Variants in TMEM132D observed in about 807,000 individuals in gnomAD.
The protein encoded by TMEM132D is transmembrane protein 132D, also known as mature OL transmembrane protein.
Under a neutral mutation model 62.3 loss-of-function variants are expected in TMEM132D, and 21 were observed. The ratio of observed to expected loss-of-function variants is 0.34; its 90% CI spans 0.24 to 0.49. The LOEUF (loss-of-function observed/expected upper bound fraction) is 0.49, where lower values mean the gene tolerates loss of function less well. Ranked by LOEUF, TMEM132D falls within the 20% of genes least tolerant of loss-of-function variation. The pLI, the probability that TMEM132D is intolerant of heterozygous loss-of-function variation, is 0.99. For missense variants in TMEM132D, 1,346 were observed against 1,402.8 expected, an observed-to-expected ratio of 0.96 and a Z score of 0.65; for synonymous variants, 621 against 575.6, an observed-to-expected ratio of 1.08 and a Z score of -1.13.
At chr12:129,897,038 T>C (rs968915857) in intron 1 of TMEM132D, among the ~76,000 whole-genome samples, 1 of 152,198 alleles carries the variant, frequency 6.6e-6, no homozygotes, top group Non-Finnish European at 1.5e-5. Context: ...CTGAAACCAA[T>C]GTTTAAGGAC....
chr12:129,790,084 G>A (rs991840296), intron 1 of TMEM132D, among the ~76,000 whole-genome samples: 4 of 152,196 alleles, frequency 2.6e-5, no homozygotes, highest in African/African-American at 9.7e-5. Context: ...CAGTCCCACT[G>A]TGTTCCACCC....
At chr12:129,297,927 C>A (rs1002368780) in intron 4 of TMEM132D, among the ~76,000 whole-genome samples, 2 of 152,120 alleles carry the variant, frequency 1.3e-5, no homozygotes, top group Non-Finnish European at 2.9e-5. Flanking sequence ...ACTCTGGAGG[C>A]TTTTGAGCTG....
At chr12:129,588,077 C>A (rs573693713) in intron 2 of TMEM132D, among the ~76,000 whole-genome samples, 335 of 152,302 alleles carry the variant, frequency 2.2e-3, no homozygotes, top group African/African-American at 7.5e-3. Flanking sequence ...GACAACTTGC[C>A]TTATTAGTCT....
intron 2 of TMEM132D, among the ~76,000 whole-genome samples, chr12:129,676,962 C>G (rs748853606): frequency 9.2e-5 from 14 of 152,162 alleles, no homozygotes; most frequent in Non-Finnish European, 1.5e-4. Flanking sequence ...CTTTTTTCCA[C>G]CTAATGTTTT....
intron 2 of TMEM132D, among the ~76,000 whole-genome samples, chr12:129,662,656 G>A (rs888384517): frequency 2.0e-5 from 3 of 152,082 alleles, no homozygotes; most frequent in African/African-American, 7.2e-5. Flanking sequence ...AGCTGGGCAT[G>A]GTGGCACACG....
At chr12:129,226,855 T>C (rs906399888) in intron 4 of TMEM132D, among the ~76,000 whole-genome samples, 2 of 152,134 alleles carry the variant, frequency 1.3e-5, no homozygotes, top group African/African-American at 4.8e-5. Context: ...GGACCCCCGA[T>C]TCATTTCTCT....
chr12:129,330,512 G>T lies in TMEM132D; in HGVS notation c.1299+7122C>A, dbSNP rs557500314. The stretch of plus-strand genomic sequence containing the variant: ...AATGAATTAATCCATTCGTGGATGT[G>T]AATTAATCCATTCATGGATGTGAAT... On this transcript the variant is annotated intron_variant, in intron 4 of 8. Coordinates refer to ENST00000422113, the MANE Select transcript of TMEM132D (RefSeq NM_133448.3). 1.5e-4 allele frequency among the ~76,000 whole-genome samples: 23 copies of T among 152,322 alleles called. No homozygotes were observed. In the South Asian group the frequency reaches 3.9e-3, roughly 26 times the overall value.
At chr12:129,124,295 C>T (rs1313268861) in intron 5 of TMEM132D, among the ~76,000 whole-genome samples, 1 of 152,120 alleles carries the variant, frequency 6.6e-6, no homozygotes, top group Non-Finnish European at 1.5e-5. Context: ...CCAAGACTCA[C>T]CTTGAACGTA....
At chr12:129,473,462 T>C (rs1336985581) in intron 3 of TMEM132D, among the ~76,000 whole-genome samples, 1 of 149,770 alleles carries the variant, frequency 6.7e-6, no homozygotes, top group Non-Finnish European at 1.5e-5. Flanking sequence ...TCTGAATAGC[T>C]GAGACTACAG....
At chr12:129,755,608 T>C (rs1016255992) in intron 1 of TMEM132D, among the ~76,000 whole-genome samples, 4 of 152,214 alleles carry the variant, frequency 2.6e-5, no homozygotes, top group African/African-American at 4.8e-5. Flanking sequence ...AGTTATCTTT[T>C]TATGCCCCTT....
Position 129,903,100 on chromosome 12 carries a change from C to G in TMEM132D, c.79+161G>C, listed in dbSNP as rs1875419852. The stretch of plus-strand genomic sequence containing the variant: ...GCGTCCGAGGAGCTTGGCTGCCGCA[C>G]GAGCGCACGTTCACACGCGCGCACA... On this transcript the variant is annotated intron_variant, in intron 1 of 8. Coordinates refer to ENST00000422113, the MANE Select transcript of TMEM132D (RefSeq NM_133448.3). The surrounding 1 kb of genome is among the most constrained non-coding windows in gnomAD (Gnocchi z 6.2). Among the ~76,000 whole-genome samples the G allele has an allele frequency of 6.6e-6, 1 of 152,214 alleles. No homozygotes were observed. Among genetic ancestry groups the G allele is most frequent in the African/African-American group, 2.4e-5 (1 of 41,468 alleles).
At chr12:129,717,833 G>A (rs957986534) in intron 1 of TMEM132D, among the ~76,000 whole-genome samples, 5 of 152,196 alleles carry the variant, frequency 3.3e-5, no homozygotes, top group African/African-American at 9.6e-5. Flanking sequence ...TGTGGCCCTC[G>A]CAGGGCTGTC....
intron 3 of TMEM132D, among the ~76,000 whole-genome samples, chr12:129,391,640 A>G (rs1871292681): frequency 6.6e-6 from 1 of 152,240 alleles, no homozygotes; most frequent in Admixed American, 6.5e-5. Flanking sequence ...CTGGTTACAC[A>G]TTAAAATCAT....
intron 3 of TMEM132D, among the ~76,000 whole-genome samples, chr12:129,401,568 T>TA (rs921334151): frequency 2.0e-4 from 30 of 150,370 alleles, no homozygotes; most frequent in African/African-American, 7.1e-4. Context: ...GACGCTGCCT[T>TA]AAAAAAAAAG....
chr12:129,352,585 CA>C (rs1869905180), intron 3 of TMEM132D, among the ~76,000 whole-genome samples: 1 of 152,010 alleles, frequency 6.6e-6, no homozygotes, highest in African/African-American at 2.4e-5. Context: ...ACATCTCCAT[CA>C]AAAAATAGGC....
chr12:129,772,170 A>G (rs1870775935), intron 1 of TMEM132D, among the ~76,000 whole-genome samples: 1 of 152,126 alleles, frequency 6.6e-6, no homozygotes, highest in Admixed American at 6.5e-5. Flanking sequence ...GACCTGTCTC[A>G]TTTTTTTAAC....
intron 2 of TMEM132D, among the ~76,000 whole-genome samples, chr12:129,582,303 A>C (rs1877887459): frequency 6.6e-6 from 1 of 152,202 alleles, no homozygotes; most frequent in South Asian, 2.1e-4. Flanking sequence ...TTTCTGTTTT[A>C]ATCAGCCATG....
intron 1 of TMEM132D, among the ~76,000 whole-genome samples, chr12:129,714,065 C>T (rs1868473239): frequency 6.6e-6 from 1 of 152,180 alleles, no homozygotes; most frequent in South Asian, 2.1e-4. Context: ...TGCCTACCTC[C>T]CTCCAACCAC....
At chr12:129,330,095 G>A (rs1455669600) in intron 4 of TMEM132D, among the ~76,000 whole-genome samples, 1 of 152,134 alleles carries the variant, frequency 6.6e-6, no homozygotes, top group Non-Finnish European at 1.5e-5. Context: ...AGATGCAGCT[G>A]AGATAAGGAG....
Sources: allele counts gnomAD v4.1 joint callset (sites outside exome capture counted in the v4.1 genomes callset), GRCh38; gene constraint gnomAD v4.1.1; non-coding constraint Gnocchi (gnomAD v3.1); transcripts MANE v1.5; gene names NCBI Gene and HGNC (gene_info 2026-07-23, HGNC 2026-07-21).